Variants in TSNARE1 observed in about 807,000 individuals in gnomAD.
TSNARE1 encodes t-SNARE domain containing 1.
A neutral mutation model predicts 62.0 loss-of-function variants in TSNARE1; 49 were observed. That is an observed-to-expected ratio of 0.79 (90% CI 0.63 to 1.00). TSNARE1 has a LOEUF of 1.00. TSNARE1 is among the 50% of genes least tolerant of loss of function. The probability of loss-of-function intolerance (pLI) is 0.00; values close to 1 mark genes in which losing one functional copy is unlikely to be tolerated. For synonymous variants in TSNARE1, 328 were observed against 294.4 expected, an observed-to-expected ratio of 1.11 and a Z score of -1.17; for missense variants, 755 against 700.1, an observed-to-expected ratio of 1.08 and a Z score of -0.88.
Position 142,291,620 on chromosome 8 carries a change from C to T in TSNARE1, c.1291-7135G>A, listed in dbSNP as rs534461246. Among the ~76,000 whole-genome samples the T allele has an allele frequency of 1.4e-4, 21 of 151,536 alleles. No homozygotes were observed. The highest frequency in any genetic ancestry group is 2.5e-4 in the Non-Finnish European group (17 of 67,908). On this transcript the variant is annotated intron_variant, in intron 10 of 13. Transcript: ENST00000524325. This position sits in a 1 kb window ranked among gnomAD's most constrained non-coding sequence, Gnocchi z 4.8. ...CGTCAGGCCGGTGAGCTGCTGCGAA[C>T]GCAGACGTGACGGGAACAGGCAACG...
At chr8:142,325,814 A>G (rs568397897) in intron 6 of TSNARE1, among the ~76,000 whole-genome samples, 2 of 152,320 alleles carry the variant, frequency 1.3e-5, no homozygotes, top group African/African-American at 4.8e-5. Flanking sequence ...GCACCAACGA[A>G]GACCAGGGCC....
intron 11 of TSNARE1, among the ~76,000 whole-genome samples, chr8:142,283,964 G>C (rs566840117): frequency 7.0e-6 from 1 of 143,272 alleles, no homozygotes; most frequent in Non-Finnish European, 1.6e-5. Flanking sequence ...GTGGGGGCCA[G>C]TGTCTGTCAA....
At chr8:142,310,750 T>C (rs1225416142) in intron 9 of TSNARE1, among the ~76,000 whole-genome samples, 1 of 152,244 alleles carries the variant, frequency 6.6e-6, no homozygotes, top group African/African-American at 2.4e-5. Context: ...TAATGTGCTC[T>C]TAACATTTTT....
intron 1 of TSNARE1, among the ~76,000 whole-genome samples, chr8:142,391,668 T>C (rs1269185579): frequency 6.6e-6 from 1 of 152,206 alleles, no homozygotes; most frequent in Non-Finnish European, 1.5e-5. Flanking sequence ...GTGCAGTACA[T>C]CTGGTCCAGC....
At chr8:142,354,602 T>A in intron 2 of TSNARE1, 35 bp downstream of exon 2, 23 of 1,359,830 alleles carry the variant, frequency 1.7e-5, no homozygotes, top group Non-Finnish European at 2.3e-5. Flanking sequence ...TACCATCCCC[T>A]CCTCCCCGCC....
chr8:142,248,920 C>T (rs1586843354), intron 12 of TSNARE1, among the ~76,000 whole-genome samples: 1 of 152,338 alleles, frequency 6.6e-6, no homozygotes, highest in East Asian at 1.9e-4. Flanking sequence ...GCAGGGAGGG[C>T]ACTGCTGCGC....
intron 12 of TSNARE1, among the ~76,000 whole-genome samples, chr8:142,235,447 C>T (rs2130129779): frequency 6.7e-6 from 1 of 148,756 alleles, no homozygotes; most frequent in South Asian, 2.2e-4. Flanking sequence ...CACCCTGGCC[C>T]CCCATTCCTC....
rs556948744 is a variant in TSNARE1 at position 142,293,163 on chromosome 8, G to A, written c.1290+7323C>T. Among the ~76,000 whole-genome samples the A allele has an allele frequency of 3.8e-3, 577 of 152,314 alleles. 3 individuals carry two copies. The highest frequency in any genetic ancestry group is 5.0e-3 in the Non-Finnish European group (339 of 68,032). On this transcript the variant is annotated intron_variant, in intron 10 of 13. Coordinates refer to ENST00000524325, the MANE Select transcript of TSNARE1 (RefSeq NM_145003.5). ...CAGGCCATCAGCAGCATCTGCTGCC[G>A]TTCTCAGTGGCACCGACACCCCAGC...
rs57408273 is a variant in TSNARE1, at chr8:142,387,170, T to G, written c.-40+15934A>C. On this transcript the variant is annotated intron_variant, in intron 1 of 13. Coordinates refer to ENST00000524325, the MANE Select transcript of TSNARE1 (RefSeq NM_145003.5). ...AACAAAATCAGGAAATTAAAAGACT[T>G]GTTACTTGGAAATTTTAAAACTTGC... Among the ~76,000 whole-genome samples the G allele has an allele frequency of 1.7e-3, 264 of 152,252 alleles. 2 individuals carry two copies. Among genetic ancestry groups the G allele is most frequent in the African/African-American group, 5.8e-3 (241 of 41,544 alleles).
rs566127059 is a variant in TSNARE1, at chr8:142,402,151, G to A, written c.-40+953C>T. Among the ~76,000 whole-genome samples the A allele has an allele frequency of 2.6e-5, 4 of 152,326 alleles. No homozygotes were observed. In the East Asian group the frequency reaches 5.8e-4, roughly 22 times the overall value. ...TAAAAGAAGAGGCAAGTGTGCAGCA[G>A]AGGAAAGAAAGGGCGCCAGGTGTGG... On this transcript the variant is annotated intron_variant, in intron 1 of 13. Transcript: ENST00000524325.
intron 1 of TSNARE1, among the ~76,000 whole-genome samples, chr8:142,401,620 G>T (rs1564024749): frequency 6.6e-6 from 1 of 152,172 alleles, no homozygotes. Context: ...AGACTCAGGG[G>T]AAGTGTCCAG....
intron 12 of TSNARE1, chr8:142,270,565 CT>C (rs1819441474): frequency 3.0e-6 from 3 of 985,036 alleles, no homozygotes; most frequent in African/African-American, 3.5e-5. Context: ...TGTGGTTCCC[CT>C]GGGCCAGAAC....
At chr8:142,256,318 A>C (rs965413960) in intron 12 of TSNARE1, among the ~76,000 whole-genome samples, 2 of 117,432 alleles carry the variant, frequency 1.7e-5, no homozygotes, top group Admixed American at 1.7e-4. Flanking sequence ...CATCATCACC[A>C]CCATCACCAT....
chr8:142,274,039 T>G, intron 12 of TSNARE1: 1 of 985,174 alleles, frequency 1.0e-6, no homozygotes, highest in Non-Finnish European at 1.2e-6. Flanking sequence ...GCCCAGGGGC[T>G]TCTTCTGCGC....
At chr8:142,282,831 T>G in intron 11 of TSNARE1, among the ~76,000 whole-genome samples, 1 of 130,902 alleles carries the variant, frequency 7.6e-6, no homozygotes, top group South Asian at 2.6e-4. Context: ...TGTCTGTCAA[T>G]GAGTGGAGGT....
chr8:142,402,059 G>A (rs1385205346), intron 1 of TSNARE1, among the ~76,000 whole-genome samples: 2 of 152,110 alleles, frequency 1.3e-5, no homozygotes, highest in Admixed American at 6.5e-5. Context: ...TAGGGAGAGC[G>A]GTCAGAAAGG....
intron 12 of TSNARE1, among the ~76,000 whole-genome samples, chr8:142,258,802 G>A (rs144778627): frequency 2.0e-5 from 3 of 152,222 alleles, no homozygotes; most frequent in Non-Finnish European, 1.5e-5. Flanking sequence ...GATTACAAGC[G>A]TGAACCACCA....
chr8:142,278,075 C>G (rs2130704581), intron 11 of TSNARE1: 1 of 985,410 alleles, frequency 1.0e-6, no homozygotes, highest in Non-Finnish European at 1.2e-6. Context: ...TGAGAGGACC[C>G]AGATCCTCCT....
At chr8:142,275,562 T>C (rs1003502036) in intron 11 of TSNARE1, 74 of 985,278 alleles carry the variant, frequency 7.5e-5, no homozygotes, top group Non-Finnish European at 8.9e-5. Flanking sequence ...GAAGGACACA[T>C]GCCACCTGGG....
Sources: allele counts gnomAD v4.1 joint callset (sites outside exome capture counted in the v4.1 genomes callset), GRCh38; gene constraint gnomAD v4.1.1; non-coding constraint Gnocchi (gnomAD v3.1); transcripts MANE v1.5; gene names NCBI Gene and HGNC (gene_info 2026-07-23, HGNC 2026-07-21).